CACNA2D3: variants seen among roughly 807,000 people sequenced by gnomAD.
CACNA2D3 encodes voltage-dependent calcium channel subunit alpha-2/delta-3.
Under a neutral mutation model 160.6 loss-of-function variants are expected in CACNA2D3, and 60 were observed. That is an observed-to-expected ratio of 0.37 (90% CI 0.30 to 0.46). The LOEUF (loss-of-function observed/expected upper bound fraction) is 0.46, where lower values mean the gene tolerates loss of function less well. Among genes scored for constraint, CACNA2D3 ranks in the 20% least tolerant of loss-of-function variants. The pLI is 1.00. For synonymous variants in CACNA2D3, 558 were observed against 492.9 expected (o/e 1.13, Z -1.75); for missense variants, 1,205 against 1,365.0 (o/e 0.88, Z 1.85).
intron 2 of CACNA2D3, among the ~76,000 whole-genome samples, chr3:54,148,551 G>C (rs1700080624): frequency 2.6e-5 from 4 of 152,160 alleles, no homozygotes; most frequent in Admixed American, 2.6e-4. Context: ...CCTCATATAG[G>C]TGAAGCGAAA....
rs551549119 is a variant in CACNA2D3, at chr3:55,019,613, G to A, written c.2987+1296G>A. On this transcript the variant is annotated intron_variant, in intron 35 of 37. Coordinates refer to ENST00000474759, the MANE Select transcript of CACNA2D3 (RefSeq NM_018398.3). ...CACTGATTTCTGTAGATTGAATATT[G>A]TATCCAACACACTGCTAAATGCTCT... 3.3e-5 allele frequency among the ~76,000 whole-genome samples: 5 copies of A among 152,016 alleles called. No individual in the cohort carries two copies. The East Asian group carries it at 9.7e-4, about 29-fold the overall frequency.
intron 4 of CACNA2D3, among the ~76,000 whole-genome samples, chr3:54,443,087 A>T (rs1700169212): frequency 6.6e-6 from 1 of 152,224 alleles, no homozygotes; most frequent in South Asian, 2.1e-4. Context: ...CCTGGCTCAC[A>T]GTAGGTGCTG....
intron 10 of CACNA2D3, among the ~76,000 whole-genome samples, chr3:54,636,981 G>T (rs1699388159): frequency 6.6e-6 from 1 of 151,960 alleles, no homozygotes. Flanking sequence ...TTGAGTTCTA[G>T]AACAGACTAA....
rs538411207 is a variant in CACNA2D3 at position 54,894,624 on chromosome 3, G to A, written c.2247-2125G>A. On this transcript the variant is annotated intron_variant, in intron 25 of 37. Coordinates refer to ENST00000474759, the MANE Select transcript of CACNA2D3 (RefSeq NM_018398.3). Reference sequence around the variant, plus strand: ...ACCACTGAACAGACCTGCTGGGAGTGCGAACACCTTCTGCTCAGTCGTGGC... The same window carrying A: ...ACCACTGAACAGACCTGCTGGGAGTACGAACACCTTCTGCTCAGTCGTGGC... 182 of 515,994 alleles carry A rather than the reference G, an allele frequency of 3.5e-4. 2 individuals are homozygous for A. Among genetic ancestry groups the A allele is most frequent in the South Asian group, 2.6e-3 (180 of 70,480 alleles). 32.0% of individuals were successfully genotyped at this position (515,994 alleles called of 1,614,324 possible).
chr3:54,444,796 G>C (rs982199815), intron 4 of CACNA2D3, among the ~76,000 whole-genome samples: 1 of 152,208 alleles, frequency 6.6e-6, no homozygotes, highest in African/African-American at 2.4e-5. Context: ...TCCTTACTCA[G>C]AACTTGGCTC....
At chr3:54,865,369 C>G (rs1416622000) in intron 17 of CACNA2D3, among the ~76,000 whole-genome samples, 1 of 152,202 alleles carries the variant, frequency 6.6e-6, no homozygotes, top group Non-Finnish European at 1.5e-5. Flanking sequence ...GCCCAAAGTA[C>G]TTAGATTGTG....
chr3:54,558,337 G>A (rs563530032), intron 5 of CACNA2D3, among the ~76,000 whole-genome samples: 2 of 152,304 alleles, frequency 1.3e-5, no homozygotes, highest in South Asian at 4.1e-4. Context: ...ATCAATGGCA[G>A]TGTGAGTGCC....
intron 36 of CACNA2D3, 45 bp from the exon 37 acceptor site, chr3:55,073,732 G>A (rs1218875733): frequency 6.6e-7 from 1 of 1,524,500 alleles, no homozygotes; most frequent in African/African-American, 1.4e-5. Context: ...GAAATGCAGA[G>A]TAGAAAAAAG....
At chr3:55,053,529 C>T (rs1282357093) in intron 35 of CACNA2D3, among the ~76,000 whole-genome samples, 2 of 151,920 alleles carry the variant, frequency 1.3e-5, no homozygotes, top group East Asian at 1.9e-4. Context: ...TGTCAGATTT[C>T]TCTCTAAATC....
rs773405628 is a variant in CACNA2D3 at position 54,680,107 on chromosome 3, A to G, written c.1167+37866A>G. Among the ~76,000 whole-genome samples, 6 of 152,254 alleles carry G rather than the reference A, an allele frequency of 3.9e-5. No individual in the cohort carries two copies. In the East Asian group the frequency reaches 9.7e-4, roughly 25 times the overall value. ...CTTTTGTAAGGGAGGATTGTAGGGC[A>G]TGGTTGGGGGAGGTTGGAACTGTAA... On this transcript the variant is annotated intron_variant, in intron 11 of 37. Coordinates refer to ENST00000474759, the MANE Select transcript of CACNA2D3 (RefSeq NM_018398.3).
intron 5 of CACNA2D3, among the ~76,000 whole-genome samples, chr3:54,532,875 A>C (rs1052586078): frequency 6.6e-6 from 1 of 152,178 alleles, no homozygotes; most frequent in African/African-American, 2.4e-5. Flanking sequence ...AGAAATTTTC[A>C]TACTGTTTTC....
Position 54,318,958 on chromosome 3 carries a change from A to G in CACNA2D3, c.205-1484A>G, listed in dbSNP as rs566925191. ...TGCTGCTCCTAGAACACATGGCCAGATGCCTCCAGCCTCACCTCTAGGCTC... is the reference window on the plus strand; with the variant it reads ...TGCTGCTCCTAGAACACATGGCCAGGTGCCTCCAGCCTCACCTCTAGGCTC... On this transcript the variant is annotated intron_variant, in intron 2 of 37. Coordinates refer to ENST00000474759, the MANE Select transcript of CACNA2D3 (RefSeq NM_018398.3). Among the ~76,000 whole-genome samples, 4 of 152,234 alleles carry G rather than the reference A, an allele frequency of 2.6e-5. No individual in the cohort carries two copies. In the East Asian group the frequency reaches 7.7e-4, roughly 29 times the overall value.
intron 35 of CACNA2D3, among the ~76,000 whole-genome samples, chr3:55,065,071 G>A (rs1020979675): frequency 6.6e-6 from 1 of 152,160 alleles, no homozygotes; most frequent in Non-Finnish European, 1.5e-5. Context: ...TGCTCTGAGT[G>A]TTTTATCCTA....
chr3:54,802,517 T>A (rs531238996), intron 13 of CACNA2D3, among the ~76,000 whole-genome samples: 3 of 152,328 alleles, frequency 2.0e-5, no homozygotes, highest in African/African-American at 7.2e-5. Flanking sequence ...AGAAATATTT[T>A]GTTGAATCCC....
chr3:54,293,716 T>A (rs1040315147), intron 2 of CACNA2D3, among the ~76,000 whole-genome samples: 1 of 152,136 alleles, frequency 6.6e-6, no homozygotes, highest in Admixed American at 6.6e-5. Context: ...CCACATTTAT[T>A]TTTATTTATA....
rs1285103564 is a variant in CACNA2D3, at chr3:54,923,726, C to T, written c.2449+23858C>T. 3.3e-5 allele frequency among the ~76,000 whole-genome samples: 5 copies of T among 152,090 alleles called. 1 individual carries two copies. Among genetic ancestry groups the T allele is most frequent in the Non-Finnish European group, 5.9e-5 (4 of 68,012 alleles). On this transcript the variant is annotated intron_variant, in intron 27 of 37. Transcript: ENST00000474759. ...CACTGTGAAGTGGAGGAAAGAATGTCGGGTCAAGACCCAAAAGCCATGCCT... is the reference window on the plus strand; with the variant it reads ...CACTGTGAAGTGGAGGAAAGAATGTTGGGTCAAGACCCAAAAGCCATGCCT...
At chr3:54,327,871 T>C (rs1483396160) in intron 3 of CACNA2D3, among the ~76,000 whole-genome samples, 1 of 152,222 alleles carries the variant, frequency 6.6e-6, no homozygotes, top group Non-Finnish European at 1.5e-5. Context: ...GATTATTCTT[T>C]CTTGTAACAG....
chr3:54,179,515 G>A (rs1241009286), intron 2 of CACNA2D3, among the ~76,000 whole-genome samples: 6 of 152,212 alleles, frequency 3.9e-5, no homozygotes, highest in Non-Finnish European at 5.9e-5. Context: ...TGGAGGAAAC[G>A]CGTAATTGGG....
chr3:54,731,056 C>T lies in CACNA2D3; in HGVS notation c.1168-21543C>T, dbSNP rs546262039. On this transcript the variant is annotated intron_variant, in intron 11 of 37. Transcript: ENST00000474759. ...CACACAGAACTAGGTTGGTAATTAC[C>T]CTAAAAAAGTCAACTTGCCAAAAAA... Among the ~76,000 whole-genome samples, 10 of 152,072 alleles carry T rather than the reference C, an allele frequency of 6.6e-5. No individual in the cohort carries two copies. The South Asian group carries it at 2.1e-3, about 32-fold the overall frequency.
Sources: gnomAD v4.1 joint callset for allele counts (sites outside exome capture counted in the v4.1 genomes callset) on GRCh38, gnomAD v4.1.1 for gene constraint, MANE v1.5 for transcripts, NCBI Gene and HGNC (gene_info 2026-07-23, HGNC 2026-07-21) for gene names.